Variants in GSE1 observed in about 807,000 individuals in gnomAD.
GSE1 encodes Gse1 coiled-coil protein, also known as genetic suppressor element 1.
In GSE1, 32 loss-of-function variants were observed where a neutral mutation model predicts 112.6. The ratio of observed to expected loss-of-function variants is 0.28; its 90% CI spans 0.21 to 0.38. The LOEUF is 0.38. Among genes scored for constraint, GSE1 ranks in the 10% least tolerant of loss-of-function variants. The probability of loss-of-function intolerance (pLI) is 1.00; values close to 1 mark genes in which losing one functional copy is unlikely to be tolerated. For missense variants in GSE1, 2,348 were observed against 1,699.2 expected, an observed-to-expected ratio of 1.38 and a Z score of -6.71; for synonymous variants, 1,115 against 735.6, an observed-to-expected ratio of 1.52 and a Z score of -8.35.
At chr16:85,385,139 C>CTTGGGA (rs1324831856) in intron 2 of GSE1, among the ~76,000 whole-genome samples, 1 of 152,258 alleles carries the variant, frequency 6.6e-6, no homozygotes, top group African/African-American at 2.4e-5. Flanking sequence ...CCACCCTGGG[C>CTTGGGA]CGAGCCACAT....
rs2052616686 is a variant in GSE1 at position 85,663,724 on chromosome 16, T to A, written c.2644+110T>A. 6.2e-6 allele frequency: 7 copies of A among 1,122,498 alleles called. No homozygotes were observed. The East Asian group carries it at 1.7e-4, about 27-fold the overall frequency. The allele number at this position is 1,122,498 out of a possible 1,614,324, so 69.5% of individuals were successfully genotyped here. A position where few individuals can be genotyped will look rare whatever the true frequency, so the allele number is the denominator to read the frequency against. On this transcript the variant is annotated intron_variant, in intron 11 of 15. Transcript: ENST00000253458. The stretch of plus-strand genomic sequence containing the variant: ...AGGCAGGATCTGCGATCACTGAGCC[T>A]GAGGCTGCCCCTTTACTCCTCCCGG...
rs1367373239 is a variant in GSE1 at position 85,311,434 on chromosome 16, A to G, written c.2284-46029A>G. Among the ~76,000 whole-genome samples the G allele has an allele frequency of 6.8e-6, 1 of 146,136 alleles. No homozygotes were observed. Among genetic ancestry groups the G allele is most frequent in the African/African-American group, 2.5e-5 (1 of 40,524 alleles). ...ATCGGAGGCAACCTGCCCTCGTGGC[A>G]CCACAAGAGAGCTGCTGGGGACAGG... On this transcript the variant is annotated intron_variant, in intron 1 of 2. Coordinates refer to the GSE1 transcript ENST00000637419. This position sits in a 1 kb window ranked among gnomAD's most constrained non-coding sequence, Gnocchi z 4.2.
chr16:85,502,795 G>T (rs1181257048), intron 2 of GSE1, among the ~76,000 whole-genome samples: 2 of 152,206 alleles, frequency 1.3e-5, no homozygotes, highest in African/African-American at 4.8e-5. Flanking sequence ...CTTGTCCAGG[G>T]ATCCTCTGAA....
At chr16:85,554,482 G>A (rs1279914110), upstream of GSE1, among the ~76,000 whole-genome samples, 1 of 152,156 alleles carries the variant, frequency 6.6e-6, no homozygotes, top group Non-Finnish European at 1.5e-5. Context: ...TGCCTTCCCG[G>A]ATCTGATAAT....
chr16:85,622,438 C>G (rs551688537), intron 1 of GSE1, among the ~76,000 whole-genome samples: 1 of 152,188 alleles, frequency 6.6e-6, no homozygotes, highest in Non-Finnish European at 1.5e-5. Context: ...GGTGTTCATA[C>G]TCGTGGGTTG....
At chr16:85,293,193 G>A (rs768945944) in intron 1 of GSE1, among the ~76,000 whole-genome samples, 2 of 152,138 alleles carry the variant, frequency 1.3e-5, no homozygotes, top group African/African-American at 2.4e-5. Context: ...GATTGGATGA[G>A]TGATAGGCCT....
chr16:85,461,090 C>T (rs1271920598), intron 2 of GSE1, among the ~76,000 whole-genome samples: 1 of 152,228 alleles, frequency 6.6e-6, no homozygotes, highest in Non-Finnish European at 1.5e-5. Context: ...CTGCTTCGGG[C>T]AAGCCCTGAG....
intron 1 of GSE1, among the ~76,000 whole-genome samples, chr16:85,251,118 A>G (rs1290060844): frequency 6.6e-6 from 1 of 152,124 alleles, no homozygotes; most frequent in African/African-American, 2.4e-5. Flanking sequence ...CCCGGCTGTG[A>G]GCATGCCTGT....
chr16:85,491,819 A>C (rs553613704), intron 2 of GSE1, among the ~76,000 whole-genome samples: 87 of 152,216 alleles, frequency 5.7e-4, no homozygotes, highest in African/African-American at 2.0e-3. Context: ...TGCAGCCTGG[A>C]GGGTGCCCCT....
chr16:85,674,277 C>T lies in GSE1; in HGVS notation c.*1738C>T, dbSNP rs1189749264. On this transcript the variant is annotated 3_prime_UTR_variant, in exon 16 of 16. Coordinates refer to ENST00000253458, the MANE Select transcript of GSE1 (RefSeq NM_014615.5). Reference sequence around the variant, plus strand: ...CTGGCATCGTGTCGCTTTATCTGCCCCCGCACAGTTTGCTTTGTACGTCTG... The same window carrying T: ...CTGGCATCGTGTCGCTTTATCTGCCTCCGCACAGTTTGCTTTGTACGTCTG... The T allele has an allele frequency of 1.3e-5, 2 of 152,286 alleles. No individual in the cohort carries two copies. Among genetic ancestry groups the T allele is most frequent in the Non-Finnish European group, 2.9e-5 (2 of 68,072 alleles). 9.4% of individuals were successfully genotyped at this position (152,286 alleles called of 1,614,324 possible). A position where few individuals can be genotyped will look rare whatever the true frequency, so the allele number is the denominator to read the frequency against.
chr16:85,395,828 C>T (rs2047952641), intron 2 of GSE1, among the ~76,000 whole-genome samples: 1 of 129,146 alleles, frequency 7.7e-6, no homozygotes. Flanking sequence ...CTGCCCTGTT[C>T]CCAGGATGGC....
intron 1 of GSE1, among the ~76,000 whole-genome samples, chr16:85,280,865 G>A (rs1439401229): frequency 6.6e-6 from 1 of 152,194 alleles, no homozygotes; most frequent in African/African-American, 2.4e-5. Flanking sequence ...CCAGTGCAAG[G>A]AGAAGCAGAG....
intron 2 of GSE1, among the ~76,000 whole-genome samples, chr16:85,428,146 C>A (rs1014586767): frequency 6.6e-6 from 1 of 152,186 alleles, no homozygotes; most frequent in Non-Finnish European, 1.5e-5. Flanking sequence ...CCACCCTTGT[C>A]TCTTTGAGCC....
At chr16:85,498,724 G>T (rs1256939845) in intron 2 of GSE1, among the ~76,000 whole-genome samples, 4 of 152,256 alleles carry the variant, frequency 2.6e-5, no homozygotes, top group Non-Finnish European at 5.9e-5. Context: ...GAGGTCTGGG[G>T]TTCCCCAGGG....
chr16:85,649,424 C>G lies in GSE1; in HGVS notation c.426+673C>G, dbSNP rs1352654551. Among the ~76,000 whole-genome samples the G allele has an allele frequency of 2.0e-5, 3 of 152,224 alleles. No homozygotes were observed. In the South Asian group the frequency reaches 6.2e-4, roughly 32 times the overall value. ...GATCCCAGCCCAGACGCTATCAGAA[C>G]AAGACATCTGGTGGGTTTTGTGTTT... On this transcript the variant is annotated intron_variant, in intron 3 of 15. Transcript: ENST00000253458.
In GSE1 at chr16:85,388,386, G is replaced by A. The variant is rs1167342603; in HGVS notation, c.2464+30743G>A. Among the ~76,000 whole-genome samples the A allele has an allele frequency of 2.4e-4, 32 of 135,590 alleles. 1 individual carries two copies. The highest frequency in any genetic ancestry group is 8.3e-4 in the African/African-American group (29 of 34,782). The allele number at this position is 135,590 out of a possible 152,430, so 89.0% of individuals were successfully genotyped here. On this transcript the variant is annotated intron_variant, in intron 2 of 2. Transcript: ENST00000637419. The stretch of plus-strand genomic sequence containing the variant: ...TGGATGGGCGGGTGGGTGGATGGAT[G>A]GATGGATGGATGGATGGATGGATGG...
At chr16:85,191,950 G>T (rs576378382) in intron 1 of GSE1, among the ~76,000 whole-genome samples, 1 of 152,318 alleles carries the variant, frequency 6.6e-6, no homozygotes, top group African/African-American at 2.4e-5. Context: ...GTGCAGAGGG[G>T]CAGGGCACCA....
chr16:85,382,749 A>G (rs1021094210), intron 2 of GSE1, among the ~76,000 whole-genome samples: 1 of 151,258 alleles, frequency 6.6e-6, no homozygotes, highest in African/African-American at 2.4e-5. Context: ...ACACTCAAGC[A>G]TGTGCACACA....
At chr16:85,542,746 G>C (rs2044565609) in intron 2 of GSE1, among the ~76,000 whole-genome samples, 1 of 152,196 alleles carries the variant, frequency 6.6e-6, no homozygotes. Flanking sequence ...TGGTTTGTGG[G>C]TGGCCCTGCT....
Sources: allele counts gnomAD v4.1 joint callset (sites outside exome capture counted in the v4.1 genomes callset), GRCh38; gene constraint gnomAD v4.1.1; non-coding constraint Gnocchi (gnomAD v3.1); transcripts MANE v1.5; gene names NCBI Gene and HGNC (gene_info 2026-07-23, HGNC 2026-07-21).